Variants in DHRS7B observed in about 807,000 individuals in gnomAD.
DHRS7B encodes the protein peroxisomal reductase activating PPAR-gamma.
In DHRS7B, 24 loss-of-function variants were observed where a neutral mutation model predicts 26.4. The ratio of observed to expected loss-of-function variants is 0.91; its 90% CI spans 0.66 to 1.28. The LOEUF is 1.28. DHRS7B is among the 50% of genes most tolerant of loss of function. The pLI is 0.00. For synonymous variants in DHRS7B, 142 were observed against 166.4 expected (o/e 0.85, Z 1.13); for missense variants, 368 against 419.4 (o/e 0.88, Z 1.07).
intron 3 of DHRS7B, among the ~76,000 whole-genome samples, chr17:21,181,779 A>T (rs1241833882): frequency 6.6e-6 from 1 of 152,152 alleles, no homozygotes; most frequent in Non-Finnish European, 1.5e-5. Context: ...AACACAGCTG[A>T]TTTTTGGATG....
chr17:21,163,360 C>A (rs935864093), intron 1 of DHRS7B, among the ~76,000 whole-genome samples: 1 of 151,930 alleles, frequency 6.6e-6, no homozygotes, highest in African/African-American at 2.4e-5. Flanking sequence ...TTGTGCTGAC[C>A]ACTCTATTTC....
At chr17:21,154,386 G>A (rs779159779) in intron 1 of DHRS7B, among the ~76,000 whole-genome samples, 8 of 151,988 alleles carry the variant, frequency 5.3e-5, no homozygotes, top group East Asian at 3.9e-4. Flanking sequence ...TATTTAAAGC[G>A]TTGAGAGAGG....
At chr17:21,150,760 A>C (rs1267125500) in intron 1 of DHRS7B, among the ~76,000 whole-genome samples, 1 of 152,202 alleles carries the variant, frequency 6.6e-6, no homozygotes, top group Non-Finnish European at 1.5e-5. Context: ...TATAGTTCTA[A>C]AAGTTGGAAG....
At chr17:21,161,476 C>T (rs1336165500) in intron 1 of DHRS7B, among the ~76,000 whole-genome samples, 1 of 152,158 alleles carries the variant, frequency 6.6e-6, no homozygotes, top group Non-Finnish European at 1.5e-5. Flanking sequence ...AAGATAAAGA[C>T]ATTCCCATAT....
chr17:21,176,285 G>T (rs1359168682), intron 2 of DHRS7B, among the ~76,000 whole-genome samples: 1 of 152,024 alleles, frequency 6.6e-6, no homozygotes, highest in Non-Finnish European at 1.5e-5. Flanking sequence ...ACTATGCCCG[G>T]CCAGAACATT....
intron 1 of DHRS7B, among the ~76,000 whole-genome samples, chr17:21,152,931 T>G (rs1442802643): frequency 6.6e-6 from 1 of 152,150 alleles, no homozygotes; most frequent in Non-Finnish European, 1.5e-5. Flanking sequence ...TCCAGCACCT[T>G]ACCACTACGT....
rs951801562 is a variant in DHRS7B, at chr17:21,144,240, C to T, written c.20+17249C>T. Among the ~76,000 whole-genome samples, 28 of 152,264 alleles carry T rather than the reference C, an allele frequency of 1.8e-4. 3 individuals carry two copies. The highest frequency in any genetic ancestry group is 1.2e-3 in the Admixed American group (19 of 15,280). On this transcript the variant is annotated intron_variant, in intron 1 of 6. Coordinates refer to ENST00000395511, the MANE Select transcript of DHRS7B (RefSeq NM_015510.5). ...TGAATGAGGAACTGTTACCTCTTTA[C>T]GTCTTATCTTATAAGTGCCTAGAGA...
chr17:21,158,952 GCA>G, intron 1 of DHRS7B, among the ~76,000 whole-genome samples: 1 of 146,422 alleles, frequency 6.8e-6, no homozygotes, highest in Non-Finnish European at 1.5e-5. Flanking sequence ...AACACTATCT[GCA>G]TGCAAAAAAA....
intron 1 of DHRS7B, among the ~76,000 whole-genome samples, chr17:21,139,949 A>G (rs1275066748): frequency 6.6e-6 from 1 of 151,622 alleles, no homozygotes; most frequent in Non-Finnish European, 1.5e-5. Context: ...ATACACAGAC[A>G]TATAGGCATG....
chr17:21,177,790 TGTGA>T (rs1974417477), intron 2 of DHRS7B, among the ~76,000 whole-genome samples: 1 of 152,196 alleles, frequency 6.6e-6, no homozygotes, highest in East Asian at 1.9e-4. Context: ...TACAGGACTG[TGTGA>T]GTATTTCCAG....
intron 1 of DHRS7B, among the ~76,000 whole-genome samples, chr17:21,136,533 T>C (rs960912252): frequency 2.3e-5 from 3 of 132,118 alleles, no homozygotes; most frequent in African/African-American, 5.1e-5. Flanking sequence ...AAAGAAAAGG[T>C]TTTGTGGGTT....
intron 1 of DHRS7B, among the ~76,000 whole-genome samples, chr17:21,154,742 A>C (rs548121920): frequency 7.9e-4 from 121 of 152,352 alleles, no homozygotes; most frequent in Non-Finnish European, 1.2e-3. Context: ...ATACCAATAC[A>C]TTATGTATAT....
intron 1 of DHRS7B, among the ~76,000 whole-genome samples, chr17:21,162,305 T>G (rs1175700664): frequency 6.6e-6 from 1 of 152,234 alleles, no homozygotes; most frequent in Non-Finnish European, 1.5e-5. Context: ...GAGATAAAGC[T>G]GCAGGAATGT....
intron 1 of DHRS7B, among the ~76,000 whole-genome samples, chr17:21,154,215 CA>C (rs2144017400): frequency 6.6e-6 from 1 of 151,970 alleles, no homozygotes; most frequent in Admixed American, 6.6e-5. Context: ...GAGGCTGAGG[CA>C]GGAGAATTGC....
Position 21,164,030 on chromosome 17 carries a change from CTTT to C in DHRS7B, c.21-7974_21-7972del, listed in dbSNP as rs35189205. Among the ~76,000 whole-genome samples the C allele has an allele frequency of 5.2e-5, 5 of 96,956 alleles. 1 individual carries two copies. Among genetic ancestry groups the C allele is most frequent in the Non-Finnish European group, 7.5e-5 (4 of 53,276 alleles). 63.6% of individuals were successfully genotyped at this position (96,956 alleles called of 152,430 possible). A position where few individuals can be genotyped will look rare whatever the true frequency, so the allele number is the denominator to read the frequency against. ...AGTGCAGATATTGTCAATTGTTGTG[CTTT>C]TTTTTTTTTTTTTGAGACAGGGTGT... On this transcript the variant is annotated intron_variant, in intron 1 of 6. Coordinates refer to ENST00000395511, the MANE Select transcript of DHRS7B (RefSeq NM_015510.5).
chr17:21,151,859 G>T (rs1038939368), intron 1 of DHRS7B, among the ~76,000 whole-genome samples: 3 of 152,160 alleles, frequency 2.0e-5, no homozygotes, highest in Non-Finnish European at 4.4e-5. Context: ...GAAGGTGATT[G>T]GATCATGAGG....
chr17:21,162,931 C>G (rs1221415235), intron 1 of DHRS7B, among the ~76,000 whole-genome samples: 6 of 152,126 alleles, frequency 3.9e-5, no homozygotes, highest in Non-Finnish European at 1.5e-5. Context: ...CACAGTGGCT[C>G]ACGCCTGTAA....
intron 1 of DHRS7B, among the ~76,000 whole-genome samples, chr17:21,139,064 C>G (rs993188664): frequency 6.6e-6 from 1 of 152,164 alleles, no homozygotes; most frequent in Non-Finnish European, 1.5e-5. Context: ...TCCAATCTGT[C>G]CTTGTTCATT....
At chr17:21,162,146 A>G (rs1406931436) in intron 1 of DHRS7B, among the ~76,000 whole-genome samples, 3 of 152,050 alleles carry the variant, frequency 2.0e-5, no homozygotes, top group Non-Finnish European at 4.4e-5. Flanking sequence ...AAACCAAGAC[A>G]GGAATTTGTT....
Sources: allele counts gnomAD v4.1 joint callset (sites outside exome capture counted in the v4.1 genomes callset), GRCh38; gene constraint gnomAD v4.1.1; transcripts MANE v1.5; gene names NCBI Gene and HGNC (gene_info 2026-07-23, HGNC 2026-07-21).